The following COG5 variants were observed in gnomAD, a reference collection of about 807,000 sequenced individuals.
COG5 encodes the protein conserved oligomeric Golgi complex subunit 5.
Under a neutral mutation model 110.4 loss-of-function variants are expected in COG5, and 86 were observed. The observed-to-expected ratio is 0.78, with a 90% CI of 0.65 to 0.93. The LOEUF (loss-of-function observed/expected upper bound fraction) is 0.93, where lower values mean the gene tolerates loss of function less well. Ranked by LOEUF, COG5 falls within the 40% of genes least tolerant of loss-of-function variation. The pLI is 0.00. For synonymous variants in COG5, 360 were observed against 334.6 expected (o/e 1.08, Z -0.83); for missense variants, 1,077 against 987.0 (o/e 1.09, Z -1.22).
intron 11 of COG5, among the ~76,000 whole-genome samples, chr7:107,321,378 C>G (rs1194112806): frequency 6.6e-6 from 1 of 152,090 alleles, no homozygotes; most frequent in Non-Finnish European, 1.5e-5. Flanking sequence ...ACTGTGAATT[C>G]ATCACATATT....
At chr7:107,541,523 A>AAAAAAAAAAAAAAATATAT (rs60423657) in intron 5 of COG5, among the ~76,000 whole-genome samples, 1 of 57,028 alleles carries the variant, frequency 1.8e-5, no homozygotes, top group Non-Finnish European at 3.3e-5. Flanking sequence ...AAAAAAAAAA[A>AAAAAAAAAAAAAAATATAT]ATATATATAT....
At chr7:107,356,163 T>A (rs1187215635) in intron 10 of COG5, among the ~76,000 whole-genome samples, 1 of 152,186 alleles carries the variant, frequency 6.6e-6, no homozygotes, top group Non-Finnish European at 1.5e-5. Context: ...AAGGCTTTTT[T>A]GGGTAGAAAT....
At position 107,433,277 on chromosome 7, in the gene COG5, C is replaced by T. The variant is rs773525141; in HGVS notation, c.539-20645G>A. 1.5e-4 allele frequency among the ~76,000 whole-genome samples: 23 copies of T among 152,294 alleles called. 1 individual carries two copies. The highest frequency in any genetic ancestry group is 8.3e-4 in the South Asian group (4 of 4,826). On this transcript the variant is annotated intron_variant, in intron 6 of 21. Transcript: ENST00000297135. The stretch of plus-strand genomic sequence containing the variant: ...TGTCAATACTACCCAAATTGATCTA[C>T]AGATTTAATGCAATCCCTATTGAAA...
Position 107,548,115 on chromosome 7 carries a change from AG to A in COG5, c.412del (p.Leu138PhefsTer15). The A allele has an allele frequency of 6.2e-7, 1 of 1,612,768 alleles. No individual in the cohort carries two copies. Among genetic ancestry groups the A allele is most frequent in the South Asian group, 1.1e-5 (1 of 90,984 alleles). ...GAAATAAAAGTAAGAAACTACCTGA[AG>A]TCTTGCTAGTTGTGCAGTCCGGGCA... ...IVARTAQLAR[L>X]QVACDLLRRI... On this transcript the variant is annotated frameshift_variant, in exon 5 of 22. Coordinates refer to ENST00000297135, the MANE Select transcript of COG5 (RefSeq NM_006348.5). LOFTEE classifies it high-confidence loss of function.
intron 5 of COG5, among the ~76,000 whole-genome samples, chr7:107,529,502 C>G (rs2129158758): frequency 6.6e-6 from 1 of 152,256 alleles, no homozygotes. Flanking sequence ...CGGGGGCACT[C>G]CACCTGAAAA....
At chr7:107,306,648 C>T (rs2116965372) in intron 11 of COG5, among the ~76,000 whole-genome samples, 1 of 152,260 alleles carries the variant, frequency 6.6e-6, no homozygotes, top group African/African-American at 2.4e-5. Flanking sequence ...AATCCAATAC[C>T]AACTAGGTAT....
chr7:107,301,999 T>C (rs557821117), intron 11 of COG5, among the ~76,000 whole-genome samples: 6 of 152,344 alleles, frequency 3.9e-5, no homozygotes, highest in African/African-American at 1.2e-4. Context: ...GTTAACTATA[T>C]ACCTAACATA....
At chr7:107,277,790 G>A (rs1248654511) in intron 14 of COG5, among the ~76,000 whole-genome samples, 1 of 152,110 alleles carries the variant, frequency 6.6e-6, no homozygotes, top group African/African-American at 2.4e-5. Context: ...CAGAAGGACT[G>A]AAGGATTTAT....
At chr7:107,289,319 C>T (rs916057479) in intron 12 of COG5, among the ~76,000 whole-genome samples, 2 of 152,098 alleles carry the variant, frequency 1.3e-5, no homozygotes, top group African/African-American at 4.8e-5. Flanking sequence ...AGACAACTCA[C>T]CATAGATTTA....
At chr7:107,431,401 C>T (rs1794017875) in intron 6 of COG5, among the ~76,000 whole-genome samples, 1 of 152,116 alleles carries the variant, frequency 6.6e-6, no homozygotes, top group African/African-American at 2.4e-5. Flanking sequence ...ATAACACAAA[C>T]ATGGCAAAGG....
intron 12 of COG5, among the ~76,000 whole-genome samples, chr7:107,292,325 G>C (rs1164470154): frequency 6.6e-6 from 1 of 152,140 alleles, no homozygotes; most frequent in Non-Finnish European, 1.5e-5. Context: ...TCTGACCCAG[G>C]ACCTGTTTTA....
chr7:107,295,971 T>G (rs934357560), intron 12 of COG5, among the ~76,000 whole-genome samples: 2 of 152,044 alleles, frequency 1.3e-5, no homozygotes, highest in African/African-American at 4.8e-5. Context: ...TTTGTTTTTT[T>G]CAGTAGAGAT....
chr7:107,379,344 T>A (rs955444508), intron 7 of COG5, among the ~76,000 whole-genome samples: 3 of 152,140 alleles, frequency 2.0e-5, no homozygotes, highest in African/African-American at 7.2e-5. Flanking sequence ...CCACGGACAC[T>A]ATGGAGAAAC....
At position 107,362,092 on chromosome 7, in the gene COG5, C is replaced by T. The variant is rs1482711338; in HGVS notation, c.967G>A (p.Val323Ile). The T allele has an allele frequency of 1.9e-6, 3 of 1,608,510 alleles. No homozygotes were observed. The highest frequency in any genetic ancestry group is 2.6e-6 in the Non-Finnish European group (3 of 1,175,842). ...VCGQVQHLQK[V>I]LAKKRDPVSH... is the part of the protein sequence containing the mutation. ...ACAGGATCTCTCTTCTTGGCCAATACTTTTTGTAGATGTTGTACCTTAAAT... is the reference window on the plus strand; with the variant it reads ...ACAGGATCTCTCTTCTTGGCCAATATTTTTTGTAGATGTTGTACCTTAAAT... The change falls in exon 10 of 22, where the codon GTA (valine) becomes ATA (isoleucine). Residue 323 changes from valine to isoleucine, a missense_variant. Coordinates refer to ENST00000297135, the MANE Select transcript of COG5 (RefSeq NM_006348.5).
intron 21 of COG5, chr7:107,209,614 A>T (rs1370493491): frequency 6.1e-6 from 1 of 162,690 alleles, no homozygotes; most frequent in African/African-American, 2.4e-5. Flanking sequence ...GGCTAGAAGA[A>T]GATAATTCAG....
At chr7:107,525,376 G>C (rs1026516672) in intron 6 of COG5, among the ~76,000 whole-genome samples, 1 of 151,746 alleles carries the variant, frequency 6.6e-6, no homozygotes, top group African/African-American at 2.4e-5. Flanking sequence ...TCCATAATAA[G>C]CCTTGGAATA....
chr7:107,541,835 G>C (rs1037547873), intron 5 of COG5, among the ~76,000 whole-genome samples: 8 of 151,130 alleles, frequency 5.3e-5, no homozygotes, highest in African/African-American at 1.9e-4. Context: ...GGAGGCTGAG[G>C]CAGAAGAATT....
intron 5 of COG5, among the ~76,000 whole-genome samples, chr7:107,541,122 G>A (rs1374597201): frequency 6.6e-6 from 1 of 150,938 alleles, no homozygotes; most frequent in Non-Finnish European, 1.5e-5. Flanking sequence ...CTGCACCCCA[G>A]CCTGGGCAAC....
At chr7:107,290,164 A>G (rs1350793992) in intron 12 of COG5, among the ~76,000 whole-genome samples, 1 of 152,212 alleles carries the variant, frequency 6.6e-6, no homozygotes, top group Non-Finnish European at 1.5e-5. Context: ...TAACATGTGG[A>G]TTCAGTGAGT....
Sources: allele counts gnomAD v4.1 joint callset (sites outside exome capture counted in the v4.1 genomes callset), GRCh38; gene constraint gnomAD v4.1.1; transcripts MANE v1.5; gene names NCBI Gene and HGNC (gene_info 2026-07-23, HGNC 2026-07-21).